Variants in LIX1L observed in about 807,000 individuals in gnomAD.
LIX1L encodes the protein limb and CNS expressed 1 like, also known as LIX1-like protein.
Under a neutral mutation model 34.0 loss-of-function variants are expected in LIX1L, and 20 were observed. The ratio of observed to expected loss-of-function variants is 0.59; its 90% confidence interval spans 0.41 to 0.85. The LOEUF (loss-of-function observed/expected upper bound fraction) is 0.85. Among genes scored for constraint, LIX1L ranks in the 40% least tolerant of loss-of-function variants. LIX1L has a pLI of 0.00. For missense variants in LIX1L, 397 were observed against 447.0 expected (o/e 0.89, Z 1.01); for synonymous variants, 170 against 187.4 (o/e 0.91, Z 0.76).
Position 145,948,497 on chromosome 1 carries a change from A to C in LIX1L, c.293-715T>G, listed in dbSNP as rs1649183991. ...TCTCGAGCCTGTGCTTCTAGTGAGC[A>C]CATCCATTGCCAGATTCCTTTTCCA... is the stretch of plus-strand genomic sequence containing the variant. On this transcript the variant is annotated intron_variant, in intron 1 of 5. Coordinates refer to ENST00000604000, the MANE Select transcript of LIX1L (RefSeq NM_153713.3). This position sits in a 1 kb window ranked among gnomAD's most constrained non-coding sequence, Gnocchi z 4.0. Among the ~76,000 whole-genome samples, 1 of 152,238 alleles carries C rather than the reference A, an allele frequency of 6.6e-6. No individual in the cohort carries two copies. The highest frequency in any genetic ancestry group is 6.5e-5 in the Admixed American group (1 of 15,282).
rs587742848 is a variant in LIX1L, at chr1:145,948,008, C to T, written c.293-226G>A. On this transcript the variant is annotated intron_variant, in intron 1 of 5. Transcript: ENST00000604000. This position sits in a 1 kb window ranked among gnomAD's most constrained non-coding sequence, Gnocchi z 4.0. ...GCCCTCCTCCACCACTTTTCTGGTT[C>T]ACATTTTATTTTATTTAAATTTTTT... is the stretch of plus-strand genomic sequence containing the variant. Among the ~76,000 whole-genome samples the T allele has an allele frequency of 1.3e-5, 2 of 152,296 alleles. No individual in the cohort carries two copies. Among genetic ancestry groups the T allele is most frequent in the African/African-American group, 4.8e-5 (2 of 41,558 alleles).
At chr1:145,939,692 G>T in intron 3 of LIX1L, 2 of 143,018 alleles carry the variant, frequency 1.4e-5, no homozygotes, top group Non-Finnish European at 1.5e-5. Flanking sequence ...AGTCTGGAGT[G>T]CAGTAGTGCA....
At chr1:145,950,031 G>A (rs1465795301) in intron 1 of LIX1L, among the ~76,000 whole-genome samples, 1 of 151,984 alleles carries the variant, frequency 6.6e-6, no homozygotes, top group Non-Finnish European at 1.5e-5. Context: ...GCCCAGGCTG[G>A]TCTCAAACTC....
intron 1 of LIX1L, among the ~76,000 whole-genome samples, chr1:145,950,884 AGT>A (rs1649276804): frequency 6.6e-6 from 1 of 152,216 alleles, no homozygotes; most frequent in Admixed American, 6.5e-5. Context: ...CAGAGTGGGC[AGT>A]GGCTGAGGCT....
intron 2 of LIX1L, chr1:145,947,038 G>C (rs1649136568): frequency 6.6e-6 from 1 of 152,350 alleles, no homozygotes; most frequent in African/African-American, 2.4e-5. Flanking sequence ...CATAATTGTA[G>C]AATGTTAGTA....
chr1:145,942,894 A>G (rs1251628404), intron 2 of LIX1L, 41 bp from the exon 3 acceptor site: 2 of 1,602,434 alleles, frequency 1.2e-6, no homozygotes, highest in Non-Finnish European at 1.7e-6. Context: ...GTATTTGTGC[A>G]TATGAGAGAG....
In LIX1L at chr1:145,936,423, C is replaced by T; in HGVS notation, c.901G>A (p.Glu301Lys). The T allele has an allele frequency of 1.2e-6, 2 of 1,614,174 alleles. No individual in the cohort carries two copies. The highest frequency in any genetic ancestry group is 1.7e-6 in the Non-Finnish European group (2 of 1,180,042). ...CCTGCCAGTCGGGCTTCATCCAGCT[C>T]CCGCTCAGTAGAGGCCAGCTCTCTA... ...LSRELASTER[E>K]LDEARLAGKE... Residue 301 changes from glutamate to lysine, a missense_variant, in exon 6 of 6, where the codon GAG becomes AAG. Glu to Lys is a moderately conservative substitution (Grantham distance 56). This residue lies in a region of LIX1L where 174 missense variants were observed against 204.0 expected (regional missense o/e 0.85). Transcript: ENST00000604000.
intron 2 of LIX1L, among the ~76,000 whole-genome samples, chr1:145,946,670 C>T (rs936453504): frequency 6.6e-6 from 1 of 152,192 alleles, no homozygotes; most frequent in Non-Finnish European, 1.5e-5. Context: ...AGGGATTTAA[C>T]GAGAAAGAAG....
At chr1:145,943,943 T>C (rs983916096) in intron 2 of LIX1L, among the ~76,000 whole-genome samples, 4 of 151,752 alleles carry the variant, frequency 2.6e-5, no homozygotes, top group African/African-American at 9.7e-5. Flanking sequence ...CTCAGGAGGC[T>C]GAGGCAGAAG....
chr1:145,942,710 T>TA lies in LIX1L; in HGVS notation c.597+2dup, dbSNP rs782469295. 5.6e-6 allele frequency: 9 copies of TA among 1,613,860 alleles called. No individual in the cohort carries two copies. In the Admixed American group the frequency reaches 1.2e-4, roughly 21 times the overall value. The stretch of plus-strand genomic sequence containing the variant: ...TCCTTCCTTCCAGCTCCATACAACT[T>TA]ACATTAAAAGATGCCAGGGCCTCAG... On this transcript the variant is annotated splice_region_variant and intron_variant, in intron 3 of 5. Coordinates refer to ENST00000604000, the MANE Select transcript of LIX1L (RefSeq NM_153713.3).
chr1:145,939,155 A>T (rs782343016), intron 3 of LIX1L, among the ~76,000 whole-genome samples: 1 of 150,454 alleles, frequency 6.6e-6, no homozygotes, highest in Non-Finnish European at 1.5e-5. Flanking sequence ...TTATTTTATT[A>T]TTTTTTTGTA....
chr1:145,937,525 G>C, intron 4 of LIX1L, 79 bp downstream of exon 4: 1 of 827,860 alleles, frequency 1.2e-6, no homozygotes, highest in Non-Finnish European at 2.0e-6. Flanking sequence ...AATGAGTTAG[G>C]AATTAGTAGG....
chr1:145,953,917 T>C (rs1377948119), intron 1 of LIX1L, among the ~76,000 whole-genome samples: 1 of 152,026 alleles, frequency 6.6e-6, no homozygotes, highest in Non-Finnish European at 1.5e-5. Flanking sequence ...ATCAGCCAGG[T>C]GTGGTGACAT....
chr1:145,937,047 A>G, intron 4 of LIX1L, 62 bp from the exon 5 acceptor site: 1 of 1,152,760 alleles, frequency 8.7e-7, no homozygotes, highest in African/African-American at 1.5e-5. Flanking sequence ...TTGCATCAGA[A>G]TTACATGGGA....
At position 145,958,017 on chromosome 1, in the gene LIX1L, C is replaced by T; in HGVS notation, c.-90G>A. On this transcript the variant is annotated 5_prime_UTR_variant, in exon 1 of 6. Coordinates refer to ENST00000604000, the MANE Select transcript of LIX1L (RefSeq NM_153713.3). ...CCCAGTCAGCTAGCGCCTGGGGACT[C>T]AGGGCGGTGCCAGGGCCGAACCTTC... 1.1e-6 allele frequency: 1 copy of T among 903,856 alleles called. No homozygotes were observed. The allele number at this position is 903,856 out of a possible 1,614,324, so 56.0% of individuals were successfully genotyped here. A position where few individuals can be genotyped will look rare whatever the true frequency, so the allele number is the denominator to read the frequency against.
chr1:145,957,556 G>C, intron 1 of LIX1L, 80 bp downstream of exon 1: 1 of 1,367,030 alleles, frequency 7.3e-7, no homozygotes, highest in Non-Finnish European at 9.4e-7. Flanking sequence ...CTCCACGCCA[G>C]GAAAAGCGAT....
intron 1 of LIX1L, among the ~76,000 whole-genome samples, chr1:145,954,439 G>C (rs587652316): frequency 6.6e-6 from 1 of 152,278 alleles, no homozygotes; most frequent in South Asian, 2.1e-4. Flanking sequence ...CAGAAAAGAA[G>C]CTATCTGTGA....
intron 5 of LIX1L, 27 bp from the exon 6 acceptor site, chr1:145,936,579 CATT>C (rs1214195912): frequency 6.2e-7 from 1 of 1,613,214 alleles, no homozygotes; most frequent in Non-Finnish European, 8.5e-7. Flanking sequence ...ATGTGAACAT[CATT>C]GAGAAGGTAA....
At chr1:145,954,046 C>A (rs587731035) in intron 1 of LIX1L, among the ~76,000 whole-genome samples, 2 of 148,754 alleles carry the variant, frequency 1.3e-5, no homozygotes, top group Admixed American at 1.3e-4. Flanking sequence ...GGCAACACAG[C>A]GAGATTCCAT....
Sources: gnomAD v4.1 joint callset for allele counts (sites outside exome capture counted in the v4.1 genomes callset) on GRCh38, gnomAD v4.1.1 for gene constraint, gnomAD v4.1.1 regional missense constraint, Gnocchi (gnomAD v3.1) non-coding constraint, MANE v1.5 for transcripts, NCBI Gene and HGNC (gene_info 2026-07-23, HGNC 2026-07-21) for gene names.